FANCA: variants seen among roughly 807,000 people sequenced by gnomAD.
FANCA encodes the protein Fanconi anemia group A protein.
FANCA carries 236 observed loss-of-function variants against 194.3 expected under a neutral mutation model. That is an observed-to-expected ratio of 1.21 (90% CI 1.09 to 1.35). FANCA has a LOEUF of 1.35. FANCA is among the 40% of genes most tolerant of loss of function. The pLI, the probability that FANCA is intolerant of heterozygous loss-of-function variation, is 0.00. For missense variants in FANCA, 2,628 were observed against 1,813.9 expected, an observed-to-expected ratio of 1.45 and a Z score of -8.15; for synonymous variants, 1,014 against 715.8, an observed-to-expected ratio of 1.42 and a Z score of -6.65.
At chr16:89,782,963 C>A (rs1180877475) in intron 16 of FANCA, 44 bp downstream of exon 16, 7 of 1,612,780 alleles carry the variant, frequency 4.3e-6, no homozygotes, top group Non-Finnish European at 5.1e-6. Context: ...AAAGCAGTTT[C>A]TGCTGGGACA....
intron 10 of FANCA, chr16:89,798,605 C>T (rs1016242152): frequency 1.7e-6 from 2 of 1,154,294 alleles, no homozygotes; most frequent in East Asian, 3.9e-5. Flanking sequence ...CCCCGATGTC[C>T]ACCTTCCACC....
At chr16:89,762,111 A>G (rs750567939) in intron 28 of FANCA, 89 bp from the exon 29 acceptor site, 5 of 969,032 alleles carry the variant, frequency 5.2e-6, no homozygotes, top group Admixed American at 3.4e-5. Flanking sequence ...ATTTCATCTC[A>G]TACGCAGTCC....
intron 17 of FANCA, among the ~76,000 whole-genome samples, chr16:89,781,268 G>A (rs1201463561): frequency 6.7e-6 from 1 of 150,148 alleles, no homozygotes; most frequent in Admixed American, 6.7e-5. Flanking sequence ...GGAGGCTGAG[G>A]CAGGAGAATG....
At position 89,803,251 on chromosome 16, in the gene FANCA, C is replaced by T; in HGVS notation, c.792+8G>A. On this transcript the variant is annotated splice_region_variant and intron_variant, in intron 8 of 42. Transcript: ENST00000389301. Reference sequence around the variant, plus strand: ...CCGCTAAACTCTTCACTTGACTTTTCCTCCTACCTGCGGCATTTTTTCAGG... The same window carrying T: ...CCGCTAAACTCTTCACTTGACTTTTTCTCCTACCTGCGGCATTTTTTCAGG... The T allele has an allele frequency of 6.2e-7, 1 of 1,613,776 alleles. No homozygotes were observed. Among genetic ancestry groups the T allele is most frequent in the South Asian group, 1.1e-5 (1 of 91,066 alleles).
chr16:89,739,889 C>T, intron 39 of FANCA, 105 bp downstream of exon 39: 1 of 1,566,698 alleles, frequency 6.4e-7, no homozygotes, highest in Non-Finnish European at 8.6e-7. Flanking sequence ...AGCTTATAAA[C>T]TTACTTAGCA....
intron 5 of FANCA, among the ~76,000 whole-genome samples, chr16:89,808,619 TCCTACGCACTGTAGCCTACTTCTAA>T (rs2040755956): frequency 6.6e-6 from 1 of 152,102 alleles, no homozygotes; most frequent in South Asian, 2.1e-4. Flanking sequence ...CCTTCTCTCT[TCCTACGCACTGTAGCCTACTTCTAA>T]CCCTTTCTCC....
chr16:89,781,102 C>T (rs58816450), intron 17 of FANCA, among the ~76,000 whole-genome samples: 69 of 152,144 alleles, frequency 4.5e-4, no homozygotes, highest in African/African-American at 1.3e-3. Context: ...CAGTGGCTCA[C>T]GCCTGTAATC....
At chr16:89,797,112 A>C (rs907596288) in intron 10 of FANCA, among the ~76,000 whole-genome samples, 1 of 152,180 alleles carries the variant, frequency 6.6e-6, no homozygotes, top group African/African-American at 2.4e-5. Flanking sequence ...GTGAGCAGAG[A>C]TCGCACCACT....
intron 14 of FANCA, among the ~76,000 whole-genome samples, chr16:89,787,193 T>C (rs1416524086): frequency 6.6e-6 from 1 of 151,986 alleles, no homozygotes; most frequent in Admixed American, 6.6e-5. Context: ...CTTTGGGAGG[T>C]TGAGGCAGGA....
chr16:89,809,291 T>A (rs2040786665), intron 5 of FANCA, among the ~76,000 whole-genome samples: 1 of 152,134 alleles, frequency 6.6e-6, no homozygotes, highest in South Asian at 2.1e-4. Flanking sequence ...TCTTCGCAAA[T>A]CTGTGAGCAC....
At chr16:89,790,546 T>G (rs2040035467) in intron 14 of FANCA, among the ~76,000 whole-genome samples, 1 of 151,874 alleles carries the variant, frequency 6.6e-6, no homozygotes, top group Non-Finnish European at 1.5e-5. Context: ...CTGACCAACA[T>G]GGTGAAACCC....
intron 29 of FANCA, among the ~76,000 whole-genome samples, chr16:89,760,384 T>C (rs899869078): frequency 7.2e-5 from 11 of 152,200 alleles, no homozygotes; most frequent in African/African-American, 2.2e-4. Context: ...CAGAATCTGA[T>C]ACCAGGATCC....
At chr16:89,740,204 T>TG (rs1244757865) in intron 38 of FANCA, 105 bp from the exon 39 acceptor site, 122 of 944,136 alleles carry the variant, frequency 1.3e-4, no homozygotes, top group Admixed American at 3.4e-4. Flanking sequence ...CTTTGCTTAT[T>TG]GTAAGTCTTA....
intron 21 of FANCA, among the ~76,000 whole-genome samples, chr16:89,775,385 G>A (rs3785276): frequency 6.6e-6 from 1 of 152,048 alleles, no homozygotes; most frequent in Non-Finnish European, 1.5e-5. Context: ...CCTACGACAG[G>A]CTCGAGCCAG....
intron 6 of FANCA, among the ~76,000 whole-genome samples, chr16:89,807,010 G>A (rs530811650): frequency 7.2e-5 from 11 of 152,198 alleles, no homozygotes; most frequent in East Asian, 3.9e-4. Context: ...CGGACGGGGC[G>A]GCTGTTCTAT....
intron 5 of FANCA, 112 bp from the exon 6 acceptor site, chr16:89,808,479 C>A: frequency 8.9e-7 from 1 of 1,123,566 alleles, no homozygotes; most frequent in Non-Finnish European, 1.3e-6. Flanking sequence ...CTTAACCATG[C>A]CGTATTGAAA....
intron 28 of FANCA, 68 bp downstream of exon 28, chr16:89,764,821 GC>G: frequency 6.4e-7 from 1 of 1,552,906 alleles, no homozygotes; most frequent in Non-Finnish European, 8.9e-7. Context: ...TGCTGTTCTT[GC>G]CCGAGGAGCA....
intron 28 of FANCA, among the ~76,000 whole-genome samples, chr16:89,762,415 G>A (rs938843102): frequency 3.4e-5 from 5 of 148,022 alleles, no homozygotes; most frequent in African/African-American, 9.7e-5. Context: ...GCAACATGGT[G>A]ACACCCCGTC....
intron 2 of FANCA, 104 bp downstream of exon 2, chr16:89,815,773 C>G: frequency 1.0e-6 from 1 of 976,634 alleles, no homozygotes; most frequent in Non-Finnish European, 1.7e-6. Flanking sequence ...GCCAGGCCAC[C>G]GCGCCCGCCG....
Sources: gnomAD v4.1 joint callset for allele counts (sites outside exome capture counted in the v4.1 genomes callset) on GRCh38, gnomAD v4.1.1 for gene constraint, MANE v1.5 for transcripts, NCBI Gene and HGNC (gene_info 2026-07-23, HGNC 2026-07-21) for gene names.